The following ANKS1B variants were observed in gnomAD, a reference collection of about 807,000 sequenced individuals.
The protein encoded by ANKS1B is ankyrin repeat and sterile alpha motif domain-containing protein 1B.
A neutral mutation model predicts 148.3 loss-of-function variants in ANKS1B; 36 were observed. The observed-to-expected ratio is 0.24, with a 90% CI of 0.19 to 0.32. ANKS1B has a LOEUF of 0.32. ANKS1B is among the 10% of genes least tolerant of loss of function. ANKS1B has a pLI of 1.00. For synonymous variants in ANKS1B, 542 were observed against 560.8 expected, an observed-to-expected ratio of 0.97 and a Z score of 0.47; for missense variants, 1,157 against 1,542.6, an observed-to-expected ratio of 0.75 and a Z score of 4.19.
chr12:98,823,383 G>A lies in ANKS1B; in HGVS notation c.3066+5791C>T, dbSNP rs528618323. On this transcript the variant is annotated intron_variant, in intron 19 of 26. Coordinates refer to ENST00000683438, the MANE Select transcript of ANKS1B (RefSeq NM_001352186.2). ...GACAAGCTGAGCCTTTCTGAGTAGT[G>A]GCTATGTGATGAAAATCTAAATTAA... Among the ~76,000 whole-genome samples the A allele has an allele frequency of 4.9e-4, 75 of 152,302 alleles. 5 individuals carry two copies. The highest frequency in any genetic ancestry group is 1.8e-3 in the African/African-American group (74 of 41,556).
chr12:99,558,306 A>G (rs988330256), intron 9 of ANKS1B, among the ~76,000 whole-genome samples: 52 of 152,322 alleles, frequency 3.4e-4, no homozygotes, highest in African/African-American at 1.2e-3. Context: ...GCAGCAGTGC[A>G]GCAGGATGCC....
intron 9 of ANKS1B, among the ~76,000 whole-genome samples, chr12:99,540,098 C>T (rs2097110643): frequency 6.6e-6 from 1 of 151,916 alleles, no homozygotes. Context: ...ATAAAACAGT[C>T]AGTCAGGAAG....
chr12:99,348,445 T>C (rs2152373551), intron 12 of ANKS1B, among the ~76,000 whole-genome samples: 1 of 151,210 alleles, frequency 6.6e-6, no homozygotes, highest in Non-Finnish European at 1.5e-5. Context: ...TAAATCTACT[T>C]ATTCAAGAAG....
chr12:99,915,157 G>A (rs34763537), intron 1 of ANKS1B, among the ~76,000 whole-genome samples: 18,031 of 150,802 alleles, frequency 0.12, 1,443 homozygotes, highest in Middle Eastern at 0.19. Flanking sequence ...CTCGCGAGGC[G>A]GAGGTTGCAG....
In ANKS1B at chr12:99,389,920, C is replaced by G. The variant is rs188323782; in HGVS notation, c.1756+9711G>C. 2.4e-3 allele frequency among the ~76,000 whole-genome samples: 358 copies of G among 152,306 alleles called. 2 individuals are homozygous for G. Among genetic ancestry groups the G allele is most frequent in the African/African-American group, 8.0e-3 (331 of 41,566 alleles). On this transcript the variant is annotated intron_variant, in intron 12 of 26. Transcript: ENST00000683438. ...CCAGCAGTGACACACCTTCCCACCC[C>G]AGGATACATAAAACTGGGGCACAGA...
intron 17 of ANKS1B, among the ~76,000 whole-genome samples, chr12:98,848,874 G>A (rs1020207195): frequency 2.0e-5 from 3 of 151,110 alleles, no homozygotes; most frequent in Admixed American, 6.7e-5. Context: ...AAGTAGCTGG[G>A]ATTATAGGCG....
At chr12:99,892,162 C>T (rs577431839) in intron 1 of ANKS1B, among the ~76,000 whole-genome samples, 2 of 152,188 alleles carry the variant, frequency 1.3e-5, no homozygotes, top group Non-Finnish European at 2.9e-5. Context: ...TACCACCATG[C>T]CCGGCTAATT....
chr12:98,880,661 A>T (rs1185826304), intron 17 of ANKS1B, among the ~76,000 whole-genome samples: 1 of 152,154 alleles, frequency 6.6e-6, no homozygotes, highest in African/African-American at 2.4e-5. Context: ...CCAGCTACTC[A>T]GGAGACTGAG....
At chr12:99,322,616 CTCGCTAT>C (rs1215979902) in intron 12 of ANKS1B, among the ~76,000 whole-genome samples, 7 of 152,156 alleles carry the variant, frequency 4.6e-5, no homozygotes, top group Admixed American at 3.9e-4. Context: ...CACTGAATAC[CTCGCTAT>C]TCCATGCTAT....
chr12:99,216,743 A>G (rs1343483960), intron 14 of ANKS1B, among the ~76,000 whole-genome samples: 1 of 152,238 alleles, frequency 6.6e-6, no homozygotes, highest in Non-Finnish European at 1.5e-5. Context: ...TTGATACAAC[A>G]TCATGCCTTC....
chr12:99,364,104 C>T (rs1475750375), intron 12 of ANKS1B, among the ~76,000 whole-genome samples: 1 of 152,086 alleles, frequency 6.6e-6, no homozygotes, highest in Non-Finnish European at 1.5e-5. Flanking sequence ...AGAGTCCAAT[C>T]AGTACCACCC....
chr12:99,372,266 A>C (rs1213271441), intron 12 of ANKS1B, among the ~76,000 whole-genome samples: 1 of 151,980 alleles, frequency 6.6e-6, no homozygotes, highest in African/African-American at 2.4e-5. Flanking sequence ...CCTTCCACTC[A>C]ATTTTGCTGT....
At chr12:99,413,333 G>A (rs12424576) in intron 11 of ANKS1B, among the ~76,000 whole-genome samples, 40,381 of 152,000 alleles carry the variant, frequency 0.27, 5,546 homozygotes, top group East Asian at 0.43. Flanking sequence ...CAAATCTAGT[G>A]AATTTCAAAT....
At chr12:99,587,127 GC>G (rs2097650554) in intron 9 of ANKS1B, among the ~76,000 whole-genome samples, 1 of 152,158 alleles carries the variant, frequency 6.6e-6, no homozygotes, top group South Asian at 2.1e-4. Context: ...GGGTAAAGAA[GC>G]TTTTTCATCA....
chr12:99,222,247 T>C (rs1258540378), intron 14 of ANKS1B, among the ~76,000 whole-genome samples: 2 of 152,128 alleles, frequency 1.3e-5, no homozygotes, highest in Non-Finnish European at 2.9e-5. Flanking sequence ...GAGAAATGGG[T>C]ATCTGAGGTA....
intron 12 of ANKS1B, among the ~76,000 whole-genome samples, chr12:99,345,774 CT>C (rs2090583736): frequency 6.6e-6 from 1 of 151,906 alleles, no homozygotes; most frequent in East Asian, 1.9e-4. Context: ...GTAGGCAGAC[CT>C]TTTTAAAAAA....
chr12:99,076,092 A>T (rs965517415), intron 16 of ANKS1B, among the ~76,000 whole-genome samples: 1 of 152,072 alleles, frequency 6.6e-6, no homozygotes, highest in African/African-American at 2.4e-5. Context: ...ACTAGTATAT[A>T]GTAAGCACTC....
intron 5 of ANKS1B, 47 bp downstream of exon 5, chr12:99,781,974 GA>G: frequency 1.3e-6 from 2 of 1,483,670 alleles, no homozygotes; most frequent in Non-Finnish European, 9.1e-7. Flanking sequence ...TCCCAAAATA[GA>G]AATGTTATCT....
Position 98,744,867 on chromosome 12 carries a change from C to A in ANKS1B, c.*872G>T. ...AACAATCTTGGCAGGCTGATGGCTG[C>A]GTCAGCACTTCCGGGCCTCCTGCTC... On this transcript the variant is annotated 3_prime_UTR_variant, in exon 27 of 27. Coordinates refer to ENST00000683438, the MANE Select transcript of ANKS1B (RefSeq NM_001352186.2). 1 of 985,320 alleles carries A rather than the reference C, an allele frequency of 1.0e-6. No individual in the cohort carries two copies. Among genetic ancestry groups the A allele is most frequent in the Non-Finnish European group, 1.2e-6 (1 of 829,876 alleles). 61.0% of individuals were successfully genotyped at this position (985,320 alleles called of 1,614,324 possible).
Sources: gnomAD v4.1 joint callset for allele counts (sites outside exome capture counted in the v4.1 genomes callset) on GRCh38, gnomAD v4.1.1 for gene constraint, MANE v1.5 for transcripts, NCBI Gene and HGNC (gene_info 2026-07-23, HGNC 2026-07-21) for gene names.